MRPS6: variants seen among roughly 807,000 people sequenced by gnomAD.
MRPS6 encodes small ribosomal subunit protein bS6m.
A neutral mutation model predicts 13.1 loss-of-function variants in MRPS6; 6 were observed. The observed-to-expected ratio is 0.46, with a 90% confidence interval of 0.25 to 0.91. The LOEUF (loss-of-function observed/expected upper bound fraction) is 0.91, where lower values mean the gene tolerates loss of function less well. Ranked by LOEUF, MRPS6 falls within the 40% of genes least tolerant of loss-of-function variation. MRPS6 has a pLI of 0.18. For synonymous variants in MRPS6, 61 were observed against 56.5 expected (o/e 1.08, Z -0.36); for missense variants, 164 against 155.6 (o/e 1.05, Z -0.29).
chr21:34,077,899 G>C (rs1169937043), intron 1 of MRPS6, among the ~76,000 whole-genome samples: 1 of 152,198 alleles, frequency 6.6e-6, no homozygotes, highest in Non-Finnish European at 1.5e-5. Flanking sequence ...CCTGGCAAAA[G>C]TTTTGTATTT....
At chr21:34,089,683 G>C (rs1331304367) in intron 1 of MRPS6, among the ~76,000 whole-genome samples, 3 of 152,120 alleles carry the variant, frequency 2.0e-5, no homozygotes, top group Non-Finnish European at 4.4e-5. Context: ...GGGAGAAACT[G>C]ATAAAAGTAG....
intron 1 of MRPS6, chr21:34,105,910 C>G (rs1979455274): frequency 1.0e-6 from 1 of 983,094 alleles, no homozygotes; most frequent in African/African-American, 1.8e-5. Flanking sequence ...TCTAACTTGT[C>G]TATTCTAACC....
intron 1 of MRPS6, chr21:34,123,160 A>G (rs1980181144): frequency 6.6e-6 from 1 of 152,180 alleles, no homozygotes; most frequent in African/African-American, 2.4e-5. Flanking sequence ...TTTTTTTCTA[A>G]GCCTTAAGCC....
chr21:34,099,618 CTTTA>C (rs1979141583), intron 1 of MRPS6: 1 of 998,802 alleles, frequency 1.0e-6, no homozygotes, highest in Non-Finnish European at 1.2e-6. Context: ...TTTTTTCTCC[CTTTA>C]TTTAACATTG....
chr21:34,087,416 A>G (rs1326828826), intron 1 of MRPS6, among the ~76,000 whole-genome samples: 1 of 152,232 alleles, frequency 6.6e-6, no homozygotes, highest in Non-Finnish European at 1.5e-5. Flanking sequence ...AGCACCTGTA[A>G]TATGTAAGAT....
chr21:34,103,663 G>A (rs1175201180), intron 1 of MRPS6: 2 of 1,000,090 alleles, frequency 2.0e-6, no homozygotes, highest in Non-Finnish European at 2.4e-6. Context: ...AGTCATAAAG[G>A]CCACCAGGTA....
chr21:34,115,694 T>A (rs1569421920), intron 1 of MRPS6, among the ~76,000 whole-genome samples: 1 of 152,176 alleles, frequency 6.6e-6, no homozygotes. Flanking sequence ...AATTATGGTA[T>A]CTGTGGCAAG....
intron 2 of MRPS6, among the ~76,000 whole-genome samples, chr21:34,132,170 T>G (rs1322715721): frequency 6.6e-6 from 1 of 152,112 alleles, no homozygotes. Context: ...ACATCTTGGT[T>G]CCCTGGGAGA....
At position 34,106,705 on chromosome 21, in the gene MRPS6, T is replaced by A. The variant is rs977206408; in HGVS notation, c.46-18636T>A. On this transcript the variant is annotated intron_variant, in intron 1 of 2. Transcript: ENST00000399312. ...TTGTTCCCCTTTACTCCCTGAGTAC[T>A]TTGCGTGTATATTTCTTAAGAACAG... Among the ~76,000 whole-genome samples the A allele has an allele frequency of 2.0e-5, 3 of 152,332 alleles. No individual in the cohort carries two copies. In the South Asian group the frequency reaches 6.2e-4, roughly 32 times the overall value.
intron 1 of MRPS6, chr21:34,100,191 A>C (rs1979170112): frequency 1.0e-6 from 1 of 1,000,224 alleles, no homozygotes; most frequent in Non-Finnish European, 1.2e-6. Flanking sequence ...GAGAAAAATA[A>C]ATGTCTTACC....
chr21:34,129,333 G>C (rs1029246743), intron 2 of MRPS6, among the ~76,000 whole-genome samples: 1 of 152,144 alleles, frequency 6.6e-6, no homozygotes, highest in Non-Finnish European at 1.5e-5. Flanking sequence ...AAGTGCGGTC[G>C]TATTTCAGCG....
In MRPS6 at chr21:34,073,650, G is replaced by C; in HGVS notation, c.-51G>C. Reference sequence around the variant, plus strand: ...ACTGTCCCCGCCGTCCCGCCCCTTCGCGTCCCGGGAACCGGCTGGCTTCCG... The same window carrying C: ...ACTGTCCCCGCCGTCCCGCCCCTTCCCGTCCCGGGAACCGGCTGGCTTCCG... On this transcript the variant is annotated 5_prime_UTR_variant, in exon 1 of 3. Coordinates refer to ENST00000399312, the MANE Select transcript of MRPS6 (RefSeq NM_032476.4). The C allele has an allele frequency of 6.7e-7, 1 of 1,489,582 alleles. No homozygotes were observed. The highest frequency in any genetic ancestry group is 9.1e-7 in the Non-Finnish European group (1 of 1,102,860). The allele number at this position is 1,489,582 out of a possible 1,614,324, so 92.3% of individuals were successfully genotyped here. A position where few individuals can be genotyped will look rare whatever the true frequency, so the allele number is the denominator to read the frequency against.
chr21:34,086,517 TTGTGTGTGTGTGTGTGTGTG>T (rs34988334), intron 1 of MRPS6, among the ~76,000 whole-genome samples: 1 of 148,274 alleles, frequency 6.7e-6, no homozygotes, highest in Admixed American at 6.7e-5. Context: ...TAGTTTGTGT[TTGTGTGTGTGTGTGTGTGTG>T]TGTGTGTGTG....
At chr21:34,118,002 A>T (rs534032158) in intron 1 of MRPS6, among the ~76,000 whole-genome samples, 1 of 152,098 alleles carries the variant, frequency 6.6e-6, no homozygotes, top group Admixed American at 6.5e-5. Context: ...TTAAATGACC[A>T]CTTGAAAAGC....
chr21:34,120,979 C>G (rs145483581), intron 1 of MRPS6, among the ~76,000 whole-genome samples: 1 of 152,144 alleles, frequency 6.6e-6, no homozygotes, highest in Non-Finnish European at 1.5e-5. Flanking sequence ...AGCAAGAGAC[C>G]CTCTTAAAGG....
At chr21:34,097,438 A>G in intron 1 of MRPS6, 1 of 1,504,350 alleles carries the variant, frequency 6.6e-7, no homozygotes, top group Non-Finnish European at 8.9e-7. Context: ...TGCATCTCTC[A>G]GGCATTGTTT....
At chr21:34,088,176 A>G (rs1978492172) in intron 1 of MRPS6, among the ~76,000 whole-genome samples, 1 of 144,692 alleles carries the variant, frequency 6.9e-6, no homozygotes, top group Non-Finnish European at 1.5e-5. Flanking sequence ...AAGTTGTGGG[A>G]GTTGATAAAG....
intron 1 of MRPS6, among the ~76,000 whole-genome samples, chr21:34,085,181 A>G (rs374365542): frequency 6.6e-6 from 1 of 152,218 alleles, no homozygotes; most frequent in African/African-American, 2.4e-5. Context: ...AGCCTTTGTC[A>G]TTAATAACAG....
intron 1 of MRPS6, chr21:34,097,319 A>T: frequency 1.9e-6 from 3 of 1,608,480 alleles, no homozygotes; most frequent in Non-Finnish European, 2.5e-6. Flanking sequence ...CTGTGTGTTC[A>T]CTTGGAATTT....
Sources: gnomAD v4.1 joint callset for allele counts (sites outside exome capture counted in the v4.1 genomes callset) on GRCh38, gnomAD v4.1.1 for gene constraint, MANE v1.5 for transcripts, NCBI Gene and HGNC (gene_info 2026-07-23, HGNC 2026-07-21) for gene names.